Variants in GRIK2 observed in about 807,000 individuals in gnomAD.
GRIK2 encodes glutamate receptor ionotropic, kainate 2.
Under a neutral mutation model 100.3 loss-of-function variants are expected in GRIK2, and 32 were observed. That is an observed-to-expected ratio of 0.32 (90% CI 0.24 to 0.43). The LOEUF is 0.43. GRIK2 is among the 20% of genes least tolerant of loss of function. The pLI is 1.00. For missense variants in GRIK2, 843 were observed against 1,114.9 expected (o/e 0.76, Z 3.47); for synonymous variants, 417 against 389.4 (o/e 1.07, Z -0.83).
rs967776332 is a variant in GRIK2, at chr6:101,672,036, T to A, written c.542-4587T>A. ...CATGGATCTGCTACTGATGATCGATTAGAGAGGGGCTGATACTTTCCTACA... is the reference window on the plus strand; with the variant it reads ...CATGGATCTGCTACTGATGATCGATAAGAGAGGGGCTGATACTTTCCTACA... On this transcript the variant is annotated intron_variant, in intron 4 of 16. Coordinates refer to ENST00000369134, the MANE Select transcript of GRIK2 (RefSeq NM_021956.5). 1.8e-4 allele frequency among the ~76,000 whole-genome samples: 27 copies of A among 152,098 alleles called. 1 individual carries two copies.
chr6:101,845,818 A>C (rs566074730), intron 10 of GRIK2, among the ~76,000 whole-genome samples: 39 of 152,176 alleles, frequency 2.6e-4, no homozygotes, highest in African/African-American at 9.4e-4. Flanking sequence ...ATCCTCACCA[A>C]CTTGTTACTT....
At chr6:101,876,089 T>G (rs1462232509) in intron 11 of GRIK2, among the ~76,000 whole-genome samples, 9 of 151,610 alleles carry the variant, frequency 5.9e-5, no homozygotes, top group Non-Finnish European at 2.9e-5. Context: ...TGAGTTCACA[T>G]AAAATCAGAA....
intron 14 of GRIK2, among the ~76,000 whole-genome samples, chr6:102,027,311 T>C (rs1033542858): frequency 2.0e-5 from 3 of 151,248 alleles, no homozygotes; most frequent in Admixed American, 6.6e-5. Flanking sequence ...TATTAATCTA[T>C]ACACCAATGT....
At chr6:101,779,368 G>C (rs1274905543) in intron 7 of GRIK2, among the ~76,000 whole-genome samples, 1 of 152,150 alleles carries the variant, frequency 6.6e-6, no homozygotes. Context: ...AAGCTAGTAA[G>C]AAGGTTAATG....
chr6:101,971,938 T>A (rs9404166), intron 14 of GRIK2, among the ~76,000 whole-genome samples: 55,623 of 151,786 alleles, frequency 0.37, 10,955 homozygotes, highest in South Asian at 0.47. Context: ...TGTTCTTTTT[T>A]TGGCATCATA....
At chr6:102,047,289 T>C (rs1470119604) in intron 15 of GRIK2, among the ~76,000 whole-genome samples, 1 of 151,164 alleles carries the variant, frequency 6.6e-6, no homozygotes, top group Non-Finnish European at 1.5e-5. Context: ...ATAAACAAAA[T>C]AGACAAACCT....
At chr6:101,652,588 G>T (rs1472287374) in intron 4 of GRIK2, among the ~76,000 whole-genome samples, 2 of 152,142 alleles carry the variant, frequency 1.3e-5, no homozygotes, top group African/African-American at 4.8e-5. Flanking sequence ...GAGAAATGAA[G>T]TGATAGATGG....
chr6:101,447,658 C>A (rs1770453273), intron 2 of GRIK2, among the ~76,000 whole-genome samples: 1 of 151,634 alleles, frequency 6.6e-6, no homozygotes, highest in South Asian at 2.1e-4. Context: ...GACATCTTTA[C>A]AATATCTCTC....
At chr6:101,887,814 G>C (rs182369789) in intron 11 of GRIK2, among the ~76,000 whole-genome samples, 1 of 152,096 alleles carries the variant, frequency 6.6e-6, no homozygotes, top group East Asian at 1.9e-4. Flanking sequence ...GTAGAAGACT[G>C]GTGCTAAACC....
chr6:101,987,700 A>C (rs959702189), intron 14 of GRIK2, among the ~76,000 whole-genome samples: 5 of 150,794 alleles, frequency 3.3e-5, no homozygotes, highest in African/African-American at 1.2e-4. Context: ...GGAAATTTAA[A>C]TTTATGAATT....
chr6:101,877,555 A>T (rs1785945309), intron 11 of GRIK2, among the ~76,000 whole-genome samples: 1 of 151,980 alleles, frequency 6.6e-6, no homozygotes, highest in African/African-American at 2.4e-5. Flanking sequence ...TTTCCCCTGG[A>T]TATCAACAGA....
At chr6:102,035,644 C>A in intron 15 of GRIK2, 78 bp downstream of exon 15, 1 of 764,164 alleles carries the variant, frequency 1.3e-6, no homozygotes, top group Non-Finnish European at 2.2e-6. Flanking sequence ...AGTGTGTCCA[C>A]GTATGCCATT....
intron 2 of GRIK2, among the ~76,000 whole-genome samples, chr6:101,446,351 T>A (rs1446650064): frequency 6.6e-6 from 1 of 151,972 alleles, no homozygotes; most frequent in African/African-American, 2.4e-5. Flanking sequence ...TCATCCTTTT[T>A]ATCTATGCAG....
At chr6:101,396,177 CAT>C (rs912745722) in intron 1 of GRIK2, among the ~76,000 whole-genome samples, 1 of 151,108 alleles carries the variant, frequency 6.6e-6, no homozygotes, top group Admixed American at 6.6e-5. Context: ...AAAATTGCCA[CAT>C]GTTAAGGCAT....
chr6:101,978,388 A>T (rs1793525417), intron 14 of GRIK2, among the ~76,000 whole-genome samples: 1 of 152,000 alleles, frequency 6.6e-6, no homozygotes, highest in Non-Finnish European at 1.5e-5. Flanking sequence ...ATTTGTTATG[A>T]AATGACTAAA....
chr6:101,609,804 T>C (rs1194355906), intron 2 of GRIK2, among the ~76,000 whole-genome samples: 2 of 151,704 alleles, frequency 1.3e-5, no homozygotes, highest in African/African-American at 4.8e-5. Context: ...GTTATACCCT[T>C]GGTCCTGTCA....
intron 2 of GRIK2, among the ~76,000 whole-genome samples, chr6:101,512,443 A>T (rs1487194848): frequency 1.3e-5 from 2 of 152,056 alleles, no homozygotes; most frequent in Non-Finnish European, 2.9e-5. Context: ...AAATATATAG[A>T]TCTAAGTGGA....
At chr6:101,843,355 A>C (rs552536847) in intron 10 of GRIK2, among the ~76,000 whole-genome samples, 2 of 152,228 alleles carry the variant, frequency 1.3e-5, no homozygotes, top group East Asian at 1.9e-4. Context: ...CTTGCTCCAC[A>C]CTTTTCTTCA....
chr6:101,875,861 C>T (rs1263985689), intron 11 of GRIK2, among the ~76,000 whole-genome samples: 1 of 151,860 alleles, frequency 6.6e-6, no homozygotes, highest in Non-Finnish European at 1.5e-5. Flanking sequence ...TATATTAGTT[C>T]TAATCTGATT....
Sources: allele counts gnomAD v4.1 joint callset (sites outside exome capture counted in the v4.1 genomes callset), GRCh38; gene constraint gnomAD v4.1.1; transcripts MANE v1.5; gene names NCBI Gene and HGNC (gene_info 2026-07-23, HGNC 2026-07-21).